The following DYNC2I1 variants were observed in gnomAD, a reference collection of about 807,000 sequenced individuals.
DYNC2I1 encodes cytoplasmic dynein 2 intermediate chain 1.
DYNC2I1 carries 89 observed loss-of-function variants against 133.4 expected under a neutral mutation model. The ratio of observed to expected loss-of-function variants is 0.67; its 90% CI spans 0.56 to 0.80. The LOEUF (loss-of-function observed/expected upper bound fraction) is 0.80, where lower values mean the gene tolerates loss of function less well. Ranked by LOEUF, DYNC2I1 falls within the 30% of genes least tolerant of loss-of-function variation. The pLI is 0.00. For synonymous variants in DYNC2I1, 504 were observed against 484.3 expected (o/e 1.04, Z -0.54); for missense variants, 1,291 against 1,314.5 (o/e 0.98, Z 0.28).
chr7:158,915,571 ACCT>A (rs1420816663), intron 14 of DYNC2I1, among the ~76,000 whole-genome samples: 13 of 151,960 alleles, frequency 8.6e-5, no homozygotes, highest in African/African-American at 2.9e-4. Context: ...TGATTGTGAA[ACCT>A]CGACACGCTG....
the DYNC2I1 span, among the ~76,000 whole-genome samples, chr7:158,848,416 A>G: frequency 1.3e-5 from 2 of 152,310 alleles, no homozygotes; most frequent in Admixed American, 1.3e-4. Context: ...ACTGTTTGAG[A>G]AGTCTCATCA....
At chr7:158,902,119 T>G (rs2129483580) in intron 9 of DYNC2I1, among the ~76,000 whole-genome samples, 1 of 152,314 alleles carries the variant, frequency 6.6e-6, no homozygotes, top group Admixed American at 6.5e-5. Flanking sequence ...AGCACAAATG[T>G]TTGCACGTGA....
chr7:158,930,634 A>T, intron 21 of DYNC2I1, 119 bp downstream of exon 21: 1 of 790,766 alleles, frequency 1.3e-6, no homozygotes, highest in East Asian at 2.9e-5. Flanking sequence ...ATTTTCTCAC[A>T]TTGTTTTTTT....
rs947796541 is a variant in DYNC2I1, at chr7:158,930,358, A to T, written c.2486-97A>T. ...CATTTGATGTTATTTCCTAACACAG[A>T]TATTTAAGCAATGAAAAATGATTCC... is the stretch of plus-strand genomic sequence containing the variant. On this transcript the variant is annotated intron_variant, in intron 20 of 24. Coordinates refer to ENST00000407559, the MANE Select transcript of DYNC2I1 (RefSeq NM_018051.5). The T allele has an allele frequency of 1.5e-5, 16 of 1,034,922 alleles. No homozygotes were observed. The Admixed American group carries it at 3.0e-4, about 19-fold the overall frequency. The allele number at this position is 1,034,922 out of a possible 1,614,324, so 64.1% of individuals were successfully genotyped here. A position where few individuals can be genotyped will look rare whatever the true frequency, so the allele number is the denominator to read the frequency against.
the DYNC2I1 span, among the ~76,000 whole-genome samples, chr7:158,851,255 G>A: frequency 1.7e-4 from 26 of 152,060 alleles, no homozygotes; most frequent in African/African-American, 6.3e-4. Context: ...ATTTTTGGCT[G>A]GGCGCAGTGG....
intron 9 of DYNC2I1, among the ~76,000 whole-genome samples, 187 bp from the exon 10 acceptor site, chr7:158,902,185 GAAAT>G (rs1203862489): frequency 2.6e-5 from 4 of 152,142 alleles, no homozygotes; most frequent in African/African-American, 9.7e-5. Context: ...TATTTTTAGA[GAAAT>G]AAAGGTAGCA....
At chr7:158,872,842 A>G (rs967519580) in intron 3 of DYNC2I1, among the ~76,000 whole-genome samples, 9 of 152,046 alleles carry the variant, frequency 5.9e-5, no homozygotes, top group African/African-American at 1.2e-4. Context: ...ACTGAAAAAA[A>G]AGAAAAGCAA....
rs1852098519 is a variant in DYNC2I1 at position 158,952,895 on chromosome 7, T to C, written c.*57-3688T>C. Among the ~76,000 whole-genome samples, 4 of 152,304 alleles carry C rather than the reference T, an allele frequency of 2.6e-5. No individual in the cohort carries two copies. The South Asian group carries it at 8.3e-4, about 32-fold the overall frequency. On this transcript the variant is annotated intron_variant and NMD_transcript_variant, in intron 4 of 4. Coordinates refer to the DYNC2I1 transcript ENST00000454771. ...CTTCCACCTCCCAGGGTGCGCCCCCTTGAAACTCCGTGAGCCTCAGCGCCT... is the reference window on the plus strand; with the variant it reads ...CTTCCACCTCCCAGGGTGCGCCCCCCTGAAACTCCGTGAGCCTCAGCGCCT...
intron 7 of DYNC2I1, among the ~76,000 whole-genome samples, chr7:158,890,871 G>T (rs1845141326): frequency 6.6e-6 from 1 of 152,094 alleles, no homozygotes; most frequent in Admixed American, 6.6e-5. Flanking sequence ...ACTGTGCCCA[G>T]CCTGGGTAGT....
upstream of DYNC2I1, among the ~76,000 whole-genome samples, chr7:158,856,182 A>G (rs1011835639): frequency 1.3e-5 from 2 of 151,174 alleles, no homozygotes; most frequent in Non-Finnish European, 3.0e-5. Context: ...TCCTGACCTC[A>G]TGATCCACCC....
intron 5 of DYNC2I1, among the ~76,000 whole-genome samples, chr7:158,881,295 C>T (rs916830218): frequency 6.6e-6 from 1 of 152,188 alleles, no homozygotes; most frequent in African/African-American, 2.4e-5. Context: ...GGCCGTGTTT[C>T]TTAGCAGGTT....
chr7:158,890,343 A>G (rs1316326300), intron 7 of DYNC2I1, among the ~76,000 whole-genome samples: 1 of 152,038 alleles, frequency 6.6e-6, no homozygotes, highest in African/African-American at 2.4e-5. Context: ...AGTAAAATAT[A>G]TGATGTGTTT....
intron 7 of DYNC2I1, among the ~76,000 whole-genome samples, chr7:158,888,486 C>T (rs933918160): frequency 1.4e-5 from 2 of 147,530 alleles, no homozygotes; most frequent in Admixed American, 6.8e-5. Flanking sequence ...TATATATATA[C>T]GTTGAGATGG....
intron 24 of DYNC2I1, 148 bp downstream of exon 24, chr7:158,942,296 A>G (rs1851455508): frequency 1.5e-6 from 1 of 661,000 alleles, no homozygotes; most frequent in Non-Finnish European, 2.4e-6. Context: ...TGTTCAGTTA[A>G]AAATTAAAAA....
In DYNC2I1 at chr7:158,945,951, C is replaced by T; in HGVS notation, c.*172C>T. On this transcript the variant is annotated 3_prime_UTR_variant, in exon 25 of 25. Transcript: ENST00000407559. The surrounding 1 kb of genome is among the most constrained non-coding windows in gnomAD (Gnocchi z 4.1). ...GGTATTCCCAGTAAATAGATGACTA[C>T]TTTTGAGTGGAAACAAAGAACATTC... 1.6e-6 allele frequency: 1 copy of T among 615,204 alleles called. No homozygotes were observed. Among genetic ancestry groups the T allele is most frequent in the South Asian group, 5.1e-5 (1 of 19,710 alleles). 38.1% of individuals were successfully genotyped at this position (615,204 alleles called of 1,614,324 possible). A position where few individuals can be genotyped will look rare whatever the true frequency, so the allele number is the denominator to read the frequency against.
chr7:158,841,171 ATATATATATATATATATATATATATAT>A, the DYNC2I1 span, among the ~76,000 whole-genome samples: 1 of 2,840 alleles, frequency 3.5e-4, no homozygotes, highest in African/African-American at 1.2e-3. Flanking sequence ...ATATATATAT[ATATATATATATATATATATATATATAT>A]ATATATATAT....
intron 21 of DYNC2I1, among the ~76,000 whole-genome samples, chr7:158,932,270 G>A (rs1850295063): frequency 6.6e-6 from 1 of 152,210 alleles, no homozygotes; most frequent in Admixed American, 6.5e-5. Context: ...GGAGCTCAAA[G>A]GATGGGGGCA....
chr7:158,879,846 A>G lies in DYNC2I1; in HGVS notation c.736A>G (p.Asn246Asp). ...AGAGAAATATTCCAAAGAGAAAAGTAATTCATTCTCTGACAAAGGGGAAGA... is the reference window on the plus strand; with the variant it reads ...AGAGAAATATTCCAAAGAGAAAAGTGATTCATTCTCTGACAAAGGGGAAGA... ...KREKYSKEKSNSFSDKGEERH... is the reference protein window; with the variant it reads ...KREKYSKEKSDSFSDKGEERH... The change falls in exon 5 of 25, where the codon AAT (asparagine) becomes GAT (aspartate). Residue 246 changes from asparagine to aspartate, a missense_variant. Physicochemically the swap from Asn to Asp is conservative, Grantham distance 23 (BLOSUM62 1). Coordinates refer to ENST00000407559, the MANE Select transcript of DYNC2I1 (RefSeq NM_018051.5). The G allele has an allele frequency of 6.2e-7, 1 of 1,613,702 alleles. No individual in the cohort carries two copies. Among genetic ancestry groups the G allele is most frequent in the Non-Finnish European group, 8.5e-7 (1 of 1,179,764 alleles).
chr7:158,849,189 G>T, the DYNC2I1 span, among the ~76,000 whole-genome samples: 2 of 152,192 alleles, frequency 1.3e-5, no homozygotes, highest in African/African-American at 4.8e-5. Context: ...GAGAAGAAAA[G>T]TTCCTGGGAT....
Sources: allele counts gnomAD v4.1 joint callset (sites outside exome capture counted in the v4.1 genomes callset), GRCh38; gene constraint gnomAD v4.1.1; non-coding constraint Gnocchi (gnomAD v3.1); transcripts MANE v1.5; gene names NCBI Gene and HGNC (gene_info 2026-07-23, HGNC 2026-07-21).